Variants in PDE10A observed in about 807,000 individuals in gnomAD.
PDE10A encodes cAMP and cAMP-inhibited cGMP 3',5'-cyclic phosphodiesterase 10A.
Under a neutral mutation model 97.7 loss-of-function variants are expected in PDE10A, and 39 were observed. The observed-to-expected ratio is 0.40, with a 90% CI of 0.31 to 0.52. The LOEUF (loss-of-function observed/expected upper bound fraction) is 0.52. Ranked by LOEUF, PDE10A falls within the 20% of genes least tolerant of loss-of-function variation. PDE10A has a pLI of 0.56. For missense variants in PDE10A, 731 were observed against 1,047.8 expected (o/e 0.70, Z 4.17); for synonymous variants, 371 against 376.8 (o/e 0.98, Z 0.18).
chr6:165,549,859 C>G (rs1455359686), intron 1 of PDE10A, among the ~76,000 whole-genome samples: 1 of 152,140 alleles, frequency 6.6e-6, no homozygotes, highest in Non-Finnish European at 1.5e-5. Flanking sequence ...TTGTTTTACT[C>G]ATTCTAAGAA....
intron 5 of PDE10A, among the ~76,000 whole-genome samples, chr6:165,442,229 G>T (rs1241638240): frequency 6.6e-6 from 1 of 152,008 alleles, no homozygotes; most frequent in African/African-American, 2.4e-5. Flanking sequence ...TGCCATGTTG[G>T]TGTGCTGCAC....
At chr6:165,508,356 C>G (rs1263344348) in intron 2 of PDE10A, among the ~76,000 whole-genome samples, 1 of 152,012 alleles carries the variant, frequency 6.6e-6, no homozygotes, top group African/African-American at 2.4e-5. Flanking sequence ...CTCAGTGTAA[C>G]TGTTTTGAGA....
chr6:165,638,773 C>T (rs775095972), intron 1 of PDE10A, among the ~76,000 whole-genome samples: 23 of 152,114 alleles, frequency 1.5e-4, no homozygotes, highest in Non-Finnish European at 2.9e-4. Flanking sequence ...AGTTGCCTAC[C>T]TAGCAATCTA....
intron 1 of PDE10A, among the ~76,000 whole-genome samples, chr6:165,652,659 G>A (rs1789741774): frequency 6.6e-6 from 1 of 152,158 alleles, no homozygotes; most frequent in Non-Finnish European, 1.5e-5. Context: ...CAACTCTGCA[G>A]TTACCTGTTA....
chr6:165,984,304 G>T (rs1397809073), intron 1 of PDE10A, among the ~76,000 whole-genome samples: 1 of 152,164 alleles, frequency 6.6e-6, no homozygotes, highest in Non-Finnish European at 1.5e-5. Flanking sequence ...GGAATTACTT[G>T]CTACTGGTAG....
At chr6:165,595,927 T>C (rs1312546233) in intron 1 of PDE10A, among the ~76,000 whole-genome samples, 1 of 152,190 alleles carries the variant, frequency 6.6e-6, no homozygotes, top group Non-Finnish European at 1.5e-5. Flanking sequence ...GTGATTATGT[T>C]CAACATATGA....
At chr6:165,423,397 G>A (rs997126850) in intron 10 of PDE10A, among the ~76,000 whole-genome samples, 2 of 152,292 alleles carry the variant, frequency 1.3e-5, no homozygotes, top group Non-Finnish European at 2.9e-5. Flanking sequence ...GCCGCAGGGC[G>A]TCTGGAAATG....
At chr6:165,614,354 C>G (rs547946993) in intron 1 of PDE10A, among the ~76,000 whole-genome samples, 2 of 152,268 alleles carry the variant, frequency 1.3e-5, no homozygotes, top group East Asian at 1.9e-4. Flanking sequence ...AATCTGACCC[C>G]TAAGTCACCT....
chr6:165,450,964 A>C (rs545911629), intron 3 of PDE10A, among the ~76,000 whole-genome samples: 1 of 152,340 alleles, frequency 6.6e-6, no homozygotes, highest in African/African-American at 2.4e-5. Context: ...AGTTTTATAT[A>C]TATTAGGTAA....
intron 1 of PDE10A, among the ~76,000 whole-genome samples, chr6:165,797,442 T>C (rs1408200955): frequency 6.6e-6 from 1 of 152,240 alleles, no homozygotes; most frequent in Non-Finnish European, 1.5e-5. Context: ...TTTCCCTTAT[T>C]ATCCAAGGTA....
At chr6:165,696,809 G>A (rs534409146) in intron 1 of PDE10A, among the ~76,000 whole-genome samples, 2 of 152,290 alleles carry the variant, frequency 1.3e-5, no homozygotes, top group Admixed American at 6.5e-5. Flanking sequence ...AAAAGGTAAT[G>A]TTGCATCAAG....
chr6:165,366,480 T>A (rs779776107), intron 18 of PDE10A, among the ~76,000 whole-genome samples: 144 of 152,308 alleles, frequency 9.5e-4, no homozygotes, highest in Non-Finnish European at 1.4e-3. Flanking sequence ...AAATTCTAGA[T>A]AGAACTAAAA....
chr6:165,962,246 A>G (rs573276319), intron 1 of PDE10A, among the ~76,000 whole-genome samples: 1 of 152,348 alleles, frequency 6.6e-6, no homozygotes, highest in South Asian at 2.1e-4. Flanking sequence ...CACAGGACTC[A>G]GAGACCTCAG....
At chr6:165,891,815 A>G (rs1781808220) in intron 1 of PDE10A, among the ~76,000 whole-genome samples, 1 of 152,202 alleles carries the variant, frequency 6.6e-6, no homozygotes, top group African/African-American at 2.4e-5. Context: ...CAGTAGTTAT[A>G]GCATGTCTCA....
intron 15 of PDE10A, among the ~76,000 whole-genome samples, chr6:165,394,357 G>C (rs1313782251): frequency 6.6e-6 from 1 of 152,022 alleles, no homozygotes; most frequent in East Asian, 1.9e-4. Flanking sequence ...TGAGAATGAT[G>C]GTTTCCAGCT....
intron 1 of PDE10A, among the ~76,000 whole-genome samples, chr6:165,712,729 T>A (rs1791930514): frequency 7.3e-6 from 1 of 137,414 alleles, no homozygotes; most frequent in African/African-American, 2.7e-5. Flanking sequence ...AAGCTCTGCC[T>A]CCCGGGTTCA....
chr6:165,405,149 TA>T (rs1048256339), intron 13 of PDE10A, among the ~76,000 whole-genome samples: 8 of 152,134 alleles, frequency 5.3e-5, no homozygotes, highest in Admixed American at 4.6e-4. Context: ...CAGGAGAAAG[TA>T]GGGGCATTGG....
chr6:165,964,736 T>G (rs1020330111), intron 1 of PDE10A, among the ~76,000 whole-genome samples: 1 of 152,176 alleles, frequency 6.6e-6, no homozygotes, highest in Non-Finnish European at 1.5e-5. Flanking sequence ...GATGTGTACA[T>G]GAAATCACAG....
Position 165,346,933 on chromosome 6 carries a change from C to T in PDE10A, c.2784-3431G>A, listed in dbSNP as rs569622. On this transcript the variant is annotated intron_variant, in intron 18 of 21. Coordinates refer to ENST00000539869, the MANE Select transcript of PDE10A (RefSeq NM_001385079.1). ...GTGAGAGTGGTTAAGTGTTATCAAG[C>T]GGTTAACTAAAAAGCAAAGGTGGGG... is the stretch of plus-strand genomic sequence containing the variant. 6.8e-3 allele frequency among the ~76,000 whole-genome samples: 1,041 copies of T among 152,154 alleles called. 18 individuals are homozygous for T. Among genetic ancestry groups the T allele is most frequent in the African/African-American group, 0.024 (1,001 of 41,490 alleles).
Sources: allele counts gnomAD v4.1 joint callset (sites outside exome capture counted in the v4.1 genomes callset), GRCh38; gene constraint gnomAD v4.1.1; transcripts MANE v1.5; gene names NCBI Gene and HGNC (gene_info 2026-07-23, HGNC 2026-07-21).